PARD3: variants seen among roughly 807,000 people sequenced by gnomAD.
PARD3 encodes par-3 family cell polarity regulator, also known as partitioning defective 3 homolog.
In PARD3, 75 loss-of-function variants were observed where a neutral mutation model predicts 155.4. The observed-to-expected ratio is 0.48, with a 90% CI of 0.40 to 0.58. The LOEUF is 0.58. Ranked by LOEUF, PARD3 falls within the 20% of genes least tolerant of loss-of-function variation. The pLI is 0.00. For missense variants in PARD3, 1,642 were observed against 1,721.7 expected (o/e 0.95, Z 0.82); for synonymous variants, 576 against 610.5 (o/e 0.94, Z 0.83).
At chr10:34,460,348 G>C (rs2077566751) in intron 4 of PARD3, among the ~76,000 whole-genome samples, 1 of 152,034 alleles carries the variant, frequency 6.6e-6, no homozygotes, top group South Asian at 2.1e-4. Context: ...AAATAAAACA[G>C]ATATTGCAAC....
At chr10:34,451,869 G>A (rs1254291126) in intron 4 of PARD3, among the ~76,000 whole-genome samples, 1 of 150,124 alleles carries the variant, frequency 6.7e-6, no homozygotes, top group African/African-American at 2.5e-5. Flanking sequence ...CGTATCTCAA[G>A]ATACTAAGAG....
At chr10:34,548,777 A>T (rs2084311715) in intron 2 of PARD3, among the ~76,000 whole-genome samples, 1 of 151,700 alleles carries the variant, frequency 6.6e-6, no homozygotes, top group South Asian at 2.1e-4. Flanking sequence ...TATTGGCTTT[A>T]GTTTTGCAAA....
At chr10:34,384,403 C>T in intron 7 of PARD3, 149 bp from the exon 8 acceptor site, 2 of 738,894 alleles carry the variant, frequency 2.7e-6, no homozygotes, top group Non-Finnish European at 2.2e-6. Context: ...AAATGACAGA[C>T]AAAAACCACA....
rs78947441 is a variant in PARD3, at chr10:34,797,719, A to G, written c.120+17157T>C. ...TAACCTGGCTCAAAGGATAACTCAT[A>G]TATTTTATCCAAATTGGCCTTTCCT... On this transcript the variant is annotated intron_variant, in intron 1 of 24. Coordinates refer to ENST00000374788, the MANE Select transcript of PARD3 (RefSeq NM_001184785.2). 7.7e-3 allele frequency among the ~76,000 whole-genome samples: 1,176 copies of G among 152,306 alleles called. 39 individuals are homozygous for G. Among genetic ancestry groups the G allele is most frequent in the Admixed American group, 0.054 (822 of 15,284 alleles).
intron 1 of PARD3, among the ~76,000 whole-genome samples, chr10:34,754,234 G>T (rs990348373): frequency 6.6e-6 from 1 of 152,094 alleles, no homozygotes; most frequent in Non-Finnish European, 1.5e-5. Flanking sequence ...TTGAACTCCT[G>T]GCCTCAAGCA....
At chr10:34,618,701 T>C (rs1158619165) in intron 2 of PARD3, among the ~76,000 whole-genome samples, 1 of 152,144 alleles carries the variant, frequency 6.6e-6, no homozygotes, top group African/African-American at 2.4e-5. Flanking sequence ...CTGTTTCCAA[T>C]AGGATTTCCA....
intron 20 of PARD3, among the ~76,000 whole-genome samples, chr10:34,285,734 A>G (rs960408011): frequency 1.3e-5 from 2 of 152,210 alleles, no homozygotes; most frequent in African/African-American, 4.8e-5. Flanking sequence ...GAATTAAAGT[A>G]TATGTGGGCA....
At chr10:34,736,653 AATTT>A (rs71033344) in intron 1 of PARD3, among the ~76,000 whole-genome samples, 40,987 of 145,452 alleles carry the variant, frequency 0.28, 6,614 homozygotes, top group Non-Finnish European at 0.37. Context: ...TTAATTAATT[AATTT>A]ATTTATTTAT....
intron 22 of PARD3, among the ~76,000 whole-genome samples, chr10:34,210,183 A>G (rs998895118): frequency 6.6e-6 from 1 of 152,204 alleles, no homozygotes. Flanking sequence ...ATCATAATCA[A>G]TGCAAAAACA....
intron 22 of PARD3, among the ~76,000 whole-genome samples, chr10:34,254,673 T>A (rs73270758): frequency 6.6e-6 from 1 of 151,938 alleles, no homozygotes; most frequent in African/African-American, 2.4e-5. Context: ...TGAGTCAGTC[T>A]CCTTAGCATC....
At chr10:34,215,840 T>G (rs1951978234) in intron 22 of PARD3, among the ~76,000 whole-genome samples, 1 of 152,194 alleles carries the variant, frequency 6.6e-6, no homozygotes, top group Non-Finnish European at 1.5e-5. Context: ...AGGGTGTATT[T>G]AAAAATAATA....
intron 5 of PARD3, among the ~76,000 whole-genome samples, chr10:34,442,185 C>G (rs2076499006): frequency 6.6e-6 from 1 of 152,116 alleles, no homozygotes; most frequent in South Asian, 2.1e-4. Flanking sequence ...ATAATATGAA[C>G]AGTCATTTGG....
At chr10:34,229,439 G>A (rs911262870) in intron 22 of PARD3, among the ~76,000 whole-genome samples, 1 of 151,770 alleles carries the variant, frequency 6.6e-6, no homozygotes, top group East Asian at 1.9e-4. Context: ...CTAGTGATAG[G>A]GTCTTGCTAT....
At chr10:34,604,834 A>G (rs2090091054) in intron 2 of PARD3, among the ~76,000 whole-genome samples, 1 of 152,074 alleles carries the variant, frequency 6.6e-6, no homozygotes, top group Non-Finnish European at 1.5e-5. Flanking sequence ...CAGAAGACTC[A>G]AAAGAGAAAC....
At chr10:34,498,381 A>G (rs1250163623) in intron 3 of PARD3, among the ~76,000 whole-genome samples, 3 of 152,238 alleles carry the variant, frequency 2.0e-5, no homozygotes, top group Admixed American at 2.0e-4. Context: ...TTTATTTAAG[A>G]CATATTAGTC....
intron 22 of PARD3, among the ~76,000 whole-genome samples, chr10:34,172,677 G>A (rs1949851791): frequency 6.6e-6 from 1 of 150,858 alleles, no homozygotes; most frequent in Non-Finnish European, 1.5e-5. Context: ...GTCAGTTTAT[G>A]CTCTGTTACA....
At chr10:34,696,659 A>G (rs547088897) in intron 1 of PARD3, among the ~76,000 whole-genome samples, 2 of 151,076 alleles carry the variant, frequency 1.3e-5, no homozygotes, top group South Asian at 4.2e-4. Context: ...CTCTATTATG[A>G]TAGGAACTGC....
chr10:34,404,899 C>T (rs572583150), intron 5 of PARD3, among the ~76,000 whole-genome samples: 3 of 152,114 alleles, frequency 2.0e-5, no homozygotes, highest in East Asian at 1.9e-4. Context: ...GCCTGGGCAA[C>T]GTAGCAAGAC....
rs768074393 is a variant in PARD3, at chr10:34,131,362, C to T, written c.3540+101G>A. Reference sequence around the variant, plus strand: ...GTTAAAGGTCAAAGGAATTTGGCTCCATCTTGTCTCGTTTCATAGAGCATT... The same window carrying T: ...GTTAAAGGTCAAAGGAATTTGGCTCTATCTTGTCTCGTTTCATAGAGCATT... On this transcript the variant is annotated intron_variant, in intron 23 of 24. Coordinates refer to ENST00000374788, the MANE Select transcript of PARD3 (RefSeq NM_001184785.2). 24 of 1,320,024 alleles carry T rather than the reference C, an allele frequency of 1.8e-5. No individual in the cohort carries two copies. In the Admixed American group the frequency reaches 4.8e-4, roughly 26 times the overall value. 81.8% of individuals were successfully genotyped at this position (1,320,024 alleles called of 1,614,324 possible).
Sources: gnomAD v4.1 joint callset for allele counts (sites outside exome capture counted in the v4.1 genomes callset) on GRCh38, gnomAD v4.1.1 for gene constraint, MANE v1.5 for transcripts, NCBI Gene and HGNC (gene_info 2026-07-23, HGNC 2026-07-21) for gene names.